The following MYRF variants were observed in gnomAD, a reference collection of about 807,000 sequenced individuals.
MYRF encodes myelin regulatory factor.
In MYRF, 16 loss-of-function variants were observed where a neutral mutation model predicts 126.3. The observed-to-expected ratio is 0.13, with a 90% CI of 0.09 to 0.19. The LOEUF (loss-of-function observed/expected upper bound fraction) is 0.19. Among genes scored for constraint, MYRF ranks in the 10% least tolerant of loss-of-function variants. The pLI is 1.00. For synonymous variants in MYRF, 608 were observed against 635.3 expected, an observed-to-expected ratio of 0.96 and a Z score of 0.65; for missense variants, 1,104 against 1,547.0, an observed-to-expected ratio of 0.71 and a Z score of 4.80.
Position 61,776,821 on chromosome 11 carries a change from G to T in MYRF, c.1534G>T (p.Ala512Ser). ...FMLVVALQAH[A>S]QNQNYTLAAQ... The stretch of plus-strand genomic sequence containing the variant: ...GCTGGTGGTGGCCCTCCAGGCTCAT[G>T]CACAGAACCAGAACTACACGCTGGC... The change falls in exon 11 of 27, where the codon GCA becomes TCA. Residue 512 changes from alanine (A) to serine (S), a missense_variant. Coordinates refer to ENST00000278836, the MANE Select transcript of MYRF (RefSeq NM_001127392.3). The surrounding 1 kb of genome is among the most constrained non-coding windows in gnomAD (Gnocchi z 4.3). The T allele has an allele frequency of 1.2e-6, 2 of 1,608,318 alleles. No individual in the cohort carries two copies. The highest frequency in any genetic ancestry group is 1.7e-6 in the Non-Finnish European group (2 of 1,177,668).
chr11:61,752,881 C>A, intron 1 of MYRF, 91 bp downstream of exon 1: 1 of 1,266,788 alleles, frequency 7.9e-7, no homozygotes, highest in South Asian at 1.5e-5. Flanking sequence ...GCTGTGTTTC[C>A]GCCTCCTCTG....
intron 3 of MYRF, among the ~76,000 whole-genome samples, chr11:61,768,962 C>A (rs2075263631): frequency 6.6e-6 from 1 of 152,090 alleles, no homozygotes; most frequent in African/African-American, 2.4e-5. Context: ...GGCCTTCGGT[C>A]TGGGGCGGGA....
chr11:61,769,234 C>T (rs987798989), intron 3 of MYRF, 26 bp from the exon 4 acceptor site: 3 of 1,510,926 alleles, frequency 2.0e-6, no homozygotes, highest in Non-Finnish European at 2.7e-6. Context: ...TGCTCACCCC[C>T]CGGCCCCTTC....
Position 61,779,907 on chromosome 11 carries a change from C to T in MYRF, c.2313C>T (p.Ala771=). 6.2e-7 allele frequency: 1 copy of T among 1,614,072 alleles called. No individual in the cohort carries two copies. The highest frequency in any genetic ancestry group is 8.5e-7 in the Non-Finnish European group (1 of 1,179,946). Residue 771 remains alanine (A), a synonymous_variant, in exon 17 of 27, where the codon GCC becomes GCT. Transcript: ENST00000278836. ...GCTTCCTGCAGGGAACCATCATTGC[C>T]CTGGTGGTGGTCATGGCCTTCAGGT... ...SQRFLQGTII[A]LVVVMAFSVV...
chr11:61,786,197 C>T lies in MYRF; in HGVS notation c.*54C>T. The T allele has an allele frequency of 6.6e-7, 1 of 1,511,058 alleles. No individual in the cohort carries two copies. The highest frequency in any genetic ancestry group is 1.1e-5 in the South Asian group (1 of 88,634). 93.6% of individuals were successfully genotyped at this position (1,511,058 alleles called of 1,614,324 possible). ...GGGACCAGGGGTGCCCAGGCACCCC[C>T]CAACACTGGATGCAATGGTGTTACA... On this transcript the variant is annotated 3_prime_UTR_variant, in exon 27 of 27. Transcript: ENST00000278836. The surrounding 1 kb of genome is among the most constrained non-coding windows in gnomAD (Gnocchi z 4.5).
At chr11:61,763,328 A>G (rs1404646658) in intron 1 of MYRF, among the ~76,000 whole-genome samples, 3 of 152,182 alleles carry the variant, frequency 2.0e-5, no homozygotes, top group African/African-American at 7.2e-5. Flanking sequence ...CTGTTTAGAG[A>G]GGGAAAATGC....
rs757517928 is a variant in MYRF, at chr11:61,771,830, C to T, written c.993C>T (p.Gly331=). 1.2e-6 allele frequency: 2 copies of T among 1,614,122 alleles called. No individual in the cohort carries two copies. The highest frequency in any genetic ancestry group is 1.3e-5 in the African/African-American group (1 of 75,062). Residue 331 remains glycine, a splice_region_variant and synonymous_variant, in exon 7 of 27, where the codon GGC becomes GGT. Coordinates refer to ENST00000278836, the MANE Select transcript of MYRF (RefSeq NM_001127392.3). ...CACATGGGCGTTCCCTCCCTCCAGG[C>T]CTCCTGCAGGACAGTGACAGCCTCA... ...PWHPPGAPSP[G]LLQDSDSLSG...
In MYRF at chr11:61,784,319, G is replaced by A; in HGVS notation, c.3234G>A (p.Arg1078=). ...TGTCTGTGGTGCTGTGCAGCCTGAG[G>A]TCAAAGGAGGAACCATGTGAGGAGG... ...SPVSVVLCSL[R]SKEEPCEEGS... The change falls in exon 25 of 27, where the codon AGG becomes AGA. Residue 1078 remains arginine, a synonymous_variant. Transcript: ENST00000278836. 6.2e-7 allele frequency: 1 copy of A among 1,614,082 alleles called. No individual in the cohort carries two copies. The highest frequency in any genetic ancestry group is 8.5e-7 in the Non-Finnish European group (1 of 1,180,020).
chr11:61,775,951 T>C, intron 8 of MYRF, 105 bp from the exon 9 acceptor site: 1 of 1,080,130 alleles, frequency 9.3e-7, no homozygotes, highest in Non-Finnish European at 1.4e-6. Context: ...GCTGCCCTGT[T>C]TCCTGGTGAG....
chr11:61,779,056 A>G (rs1443628324), intron 14 of MYRF: 3 of 649,650 alleles, frequency 4.6e-6, no homozygotes, highest in East Asian at 2.8e-5. Flanking sequence ...GCAGAGGTGG[A>G]GGTGTTGCTC....
rs371590101 is a variant in MYRF, at chr11:61,776,564, C to T, written c.1499+132C>T. The T allele has an allele frequency of 3.8e-6, 3 of 796,308 alleles. No homozygotes were observed. The East Asian group carries it at 8.1e-5, about 21-fold the overall frequency. 49.3% of individuals were successfully genotyped at this position (796,308 alleles called of 1,614,324 possible). The stretch of plus-strand genomic sequence containing the variant: ...CAGATGAGAGACCTGAGATTTAGAG[C>T]CCTTCATTGACTTAAGGATGGGAAG... On this transcript the variant is annotated intron_variant, in intron 10 of 26. Coordinates refer to ENST00000278836, the MANE Select transcript of MYRF (RefSeq NM_001127392.3). This position sits in a 1 kb window ranked among gnomAD's most constrained non-coding sequence, Gnocchi z 4.3.
Position 61,781,693 on chromosome 11 carries a change from C to T in MYRF, c.2885C>T (p.Ala962Val). 7.4e-6 allele frequency: 12 copies of T among 1,613,626 alleles called. No homozygotes were observed. The highest frequency in any genetic ancestry group is 9.3e-6 in the Non-Finnish European group (11 of 1,180,034). ...AGTCTGGAGCCTCTGGCCAGCCCTG[C>T]AGTCCCCTTCCCTGGGGGGCAGGGC... is the stretch of plus-strand genomic sequence containing the variant. ...HKSLEPLASP[A>V]VPFPGGQGKA... Residue 962 changes from alanine (A) to valine (V), a missense_variant, in exon 22 of 27, where the codon GCA becomes GTA. By Grantham distance (64) the Ala-to-Val change is moderately conservative. This residue lies in a region of MYRF where 323 missense variants were observed against 383.1 expected (regional missense o/e 0.84). Transcript: ENST00000278836.
In MYRF at chr11:61,787,143, A is replaced by C. The variant is rs1279931687; in HGVS notation, c.*1000A>C. 1.3e-5 allele frequency: 2 copies of C among 152,724 alleles called. No individual in the cohort carries two copies. The highest frequency in any genetic ancestry group is 2.9e-5 in the Non-Finnish European group (2 of 68,046). 9.5% of individuals were successfully genotyped at this position (152,724 alleles called of 1,614,324 possible). A position where few individuals can be genotyped will look rare whatever the true frequency, so the allele number is the denominator to read the frequency against. On this transcript the variant is annotated 3_prime_UTR_variant, in exon 27 of 27. Transcript: ENST00000278836. ...GCTGTTATTAATGAAGTAATTACTA[A>C]ATGCACTTAAACCAGGGCAGGAAGG...
intron 21 of MYRF, 44 bp downstream of exon 21, chr11:61,781,373 C>G: frequency 6.2e-7 from 1 of 1,602,902 alleles, no homozygotes; most frequent in East Asian, 2.2e-5. Context: ...GGGCTACCTG[C>G]GTAGAGAGAA....
Position 61,769,253 on chromosome 11 carries a change from C to A in MYRF, c.399-7C>A, listed in dbSNP as rs1393129670. On this transcript the variant is annotated splice_region_variant and splice_polypyrimidine_tract_variant and intron_variant, in intron 3 of 26. Coordinates refer to ENST00000278836, the MANE Select transcript of MYRF (RefSeq NM_001127392.3). ...CACCCCCCGGCCCCTTCCCCTGGCT[C>A]TCGCAGCACACTGCCGGACTCTCCC... The A allele has an allele frequency of 6.3e-7, 1 of 1,591,082 alleles. No individual in the cohort carries two copies. The highest frequency in any genetic ancestry group is 8.6e-7 in the Non-Finnish European group (1 of 1,168,596).
chr11:61,771,790 C>T, intron 6 of MYRF, 39 bp from the exon 7 acceptor site: 1 of 1,613,556 alleles, frequency 6.2e-7, no homozygotes, highest in Non-Finnish European at 8.5e-7. Context: ...GGTGTGGGAC[C>T]CAAGGTGCAG....
chr11:61,759,908 G>A (rs1384138221), intron 1 of MYRF, among the ~76,000 whole-genome samples: 1 of 152,178 alleles, frequency 6.6e-6, no homozygotes, highest in Non-Finnish European at 1.5e-5. Context: ...CTGACCTGAA[G>A]GCATTTTGAC....
At chr11:61,769,188 C>T in intron 3 of MYRF, 72 bp from the exon 4 acceptor site, 1 of 895,672 alleles carries the variant, frequency 1.1e-6, no homozygotes. Context: ...CCCTACCACG[C>T]AGAGAAGCTG....
intron 1 of MYRF, among the ~76,000 whole-genome samples, chr11:61,761,964 G>A (rs902455854): frequency 3.3e-5 from 5 of 152,378 alleles, no homozygotes; most frequent in Admixed American, 6.5e-5. Flanking sequence ...CCAGCGGGGT[G>A]TGTGTAGGCG....
Sources: gnomAD v4.1 joint callset for allele counts (sites outside exome capture counted in the v4.1 genomes callset) on GRCh38, gnomAD v4.1.1 for gene constraint, gnomAD v4.1.1 regional missense constraint, Gnocchi (gnomAD v3.1) non-coding constraint, MANE v1.5 for transcripts, NCBI Gene and HGNC (gene_info 2026-07-23, HGNC 2026-07-21) for gene names.